Variants in GALNT14 observed in about 807,000 individuals in gnomAD.
GALNT14 encodes UDP-GalNAc:polypeptide N-acetylgalactosaminyltransferase 14.
A neutral mutation model predicts 77.5 loss-of-function variants in GALNT14; 60 were observed. The observed-to-expected ratio is 0.77, with a 90% CI of 0.63 to 0.96. The LOEUF is 0.96. Ranked by LOEUF, GALNT14 falls within the 40% of genes least tolerant of loss-of-function variation. GALNT14 has a pLI of 0.00. For synonymous variants in GALNT14, 280 were observed against 281.7 expected, an observed-to-expected ratio of 0.99 and a Z score of 0.06; for missense variants, 710 against 731.0, an observed-to-expected ratio of 0.97 and a Z score of 0.33.
intron 1 of GALNT14, among the ~76,000 whole-genome samples, chr2:31,024,761 G>T (rs1431338533): frequency 6.6e-6 from 1 of 152,180 alleles, no homozygotes; most frequent in Admixed American, 6.5e-5. Context: ...CTGGCATATG[G>T]TTCTACTCCA....
intron 9 of GALNT14, among the ~76,000 whole-genome samples, chr2:30,933,866 C>T (rs1348456888): frequency 6.6e-6 from 1 of 152,228 alleles, no homozygotes; most frequent in Non-Finnish European, 1.5e-5. Context: ...GGAATGCCGT[C>T]AGCATCAAAT....
Position 30,944,910 on chromosome 2 carries a change from G to A in GALNT14, c.775C>T (p.Gln259Ter), listed in dbSNP as rs751745088. 5.0e-6 allele frequency: 8 copies of A among 1,610,614 alleles called. No homozygotes were observed. Among genetic ancestry groups the A allele is most frequent in the Non-Finnish European group, 6.8e-6 (8 of 1,177,680 alleles). The part of the protein sequence containing the change: ...FDWSLHFQWE[Q>*]LSPEQKARRL... ...CGAGCCTTCTGCTCTGGGGAGAGCT[G>A]CTCCCACTGGAAGTGGAGGCTCCAG... Residue 259 changes from glutamine (Q) to a stop codon, truncating the protein, a stop_gained, in exon 8 of 15, where the codon CAG becomes TAG. Transcript: ENST00000349752. LOFTEE classifies it high-confidence loss of function.
At chr2:30,932,709 C>T (rs756407176) in intron 9 of GALNT14, among the ~76,000 whole-genome samples, 15 of 152,158 alleles carry the variant, frequency 9.9e-5, no homozygotes, top group Non-Finnish European at 2.1e-4. Context: ...GAAAACTTCA[C>T]GGCAAGGATG....
intron 1 of GALNT14, among the ~76,000 whole-genome samples, chr2:31,123,723 T>G (rs1678538097): frequency 6.6e-6 from 1 of 152,178 alleles, no homozygotes; most frequent in African/African-American, 2.4e-5. Context: ...AAGAGTGACA[T>G]GATCAGGACA....
chr2:31,137,768 G>A (rs534269352), intron 1 of GALNT14, among the ~76,000 whole-genome samples, 190 bp downstream of exon 1: 30 of 152,282 alleles, frequency 2.0e-4, no homozygotes, highest in Admixed American at 1.6e-3. Context: ...TGCACACCGC[G>A]GGTCCGGAGA....
chr2:31,112,285 C>T (rs1479734071), intron 1 of GALNT14, among the ~76,000 whole-genome samples: 1 of 152,188 alleles, frequency 6.6e-6, no homozygotes, highest in Non-Finnish European at 1.5e-5. Flanking sequence ...CTGTGCTTGC[C>T]AACAACACTG....
the GALNT14 span, among the ~76,000 whole-genome samples, chr2:30,897,667 C>T: frequency 1.3e-5 from 2 of 152,198 alleles, no homozygotes; most frequent in Admixed American, 6.5e-5. Flanking sequence ...ACACACACTG[C>T]GCATGGCGTA....
chr2:30,934,116 C>A (rs1358708967), intron 9 of GALNT14, among the ~76,000 whole-genome samples: 1 of 152,220 alleles, frequency 6.6e-6, no homozygotes, highest in Non-Finnish European at 1.5e-5. Flanking sequence ...TAAAGTCCCA[C>A]TGTACAGAGG....
intron 1 of GALNT14, among the ~76,000 whole-genome samples, chr2:31,130,196 T>C (rs1244704093): frequency 1.3e-5 from 2 of 152,222 alleles, no homozygotes; most frequent in African/African-American, 4.8e-5. Context: ...ACCAGCATTG[T>C]CCAGGATGCA....
intron 1 of GALNT14, among the ~76,000 whole-genome samples, chr2:31,010,337 TGC>T (rs1558489589): frequency 6.6e-6 from 1 of 152,176 alleles, no homozygotes; most frequent in African/African-American, 2.4e-5. Context: ...TGGTAGCTCA[TGC>T]CTGTAATCCC....
At chr2:30,957,431 C>G (rs1667432871) in intron 4 of GALNT14, among the ~76,000 whole-genome samples, 1 of 152,118 alleles carries the variant, frequency 6.6e-6, no homozygotes, top group Non-Finnish European at 1.5e-5. Flanking sequence ...CAGCAGCACT[C>G]TCTTCTCTTG....
chr2:30,909,514 C>T (rs1664247165), downstream of GALNT14, among the ~76,000 whole-genome samples: 2 of 150,306 alleles, frequency 1.3e-5, no homozygotes, highest in Non-Finnish European at 3.0e-5. Flanking sequence ...AATGAGATAC[C>T]ATCTCACACC....
intron 1 of GALNT14, among the ~76,000 whole-genome samples, chr2:31,029,460 G>A (rs1050557137): frequency 4.6e-5 from 7 of 152,100 alleles, no homozygotes; most frequent in African/African-American, 1.4e-4. Flanking sequence ...CATGAAGACT[G>A]ACTTATTTTA....
chr2:31,103,694 T>A (rs1008830413), intron 1 of GALNT14, among the ~76,000 whole-genome samples: 2 of 152,186 alleles, frequency 1.3e-5, no homozygotes, highest in Non-Finnish European at 2.9e-5. Context: ...GAATGAGGCA[T>A]TCAGAGAACT....
chr2:30,955,817 C>T (rs1477896691), intron 5 of GALNT14, 78 bp from the exon 6 acceptor site: 11 of 1,608,436 alleles, frequency 6.8e-6, no homozygotes, highest in African/African-American at 5.3e-5. Context: ...AGCCACCCAG[C>T]ATTCCCCACT....
intron 1 of GALNT14, among the ~76,000 whole-genome samples, chr2:31,107,890 C>G (rs1394049972): frequency 6.6e-6 from 1 of 152,164 alleles, no homozygotes; most frequent in Non-Finnish European, 1.5e-5. Context: ...GAGGGCTGCT[C>G]TCCCATAGAC....
intron 1 of GALNT14, among the ~76,000 whole-genome samples, chr2:31,120,359 T>C (rs1054151830): frequency 1.1e-4 from 17 of 152,178 alleles, no homozygotes; most frequent in African/African-American, 3.9e-4. Context: ...GCTATTGAAG[T>C]TCACATATCC....
At chr2:30,888,807 C>T in the GALNT14 span, among the ~76,000 whole-genome samples, 1 of 152,230 alleles carries the variant, frequency 6.6e-6, no homozygotes, top group South Asian at 2.1e-4. Flanking sequence ...CCCAGGTTAG[C>T]TAAATCTGTG....
chr2:31,045,785 C>T (rs1326523738), intron 1 of GALNT14, among the ~76,000 whole-genome samples: 5 of 152,080 alleles, frequency 3.3e-5, no homozygotes, highest in Non-Finnish European at 2.9e-5. Context: ...TTTTAACTGG[C>T]CATTTCTCCC....
Sources: gnomAD v4.1 joint callset for allele counts (sites outside exome capture counted in the v4.1 genomes callset) on GRCh38, gnomAD v4.1.1 for gene constraint, MANE v1.5 for transcripts, NCBI Gene and HGNC (gene_info 2026-07-23, HGNC 2026-07-21) for gene names.